ARID3A: variants seen among roughly 807,000 people sequenced by gnomAD.
ARID3A encodes AT-rich interaction domain 3A.
Under a neutral mutation model 52.7 loss-of-function variants are expected in ARID3A, and 11 were observed. That is an observed-to-expected ratio of 0.21 (90% CI 0.13 to 0.35). The LOEUF is 0.35. Ranked by LOEUF, ARID3A falls within the 10% of genes least tolerant of loss-of-function variation. ARID3A has a pLI of 1.00. For synonymous variants in ARID3A, 404 were observed against 359.4 expected (o/e 1.12, Z -1.40); for missense variants, 721 against 838.5 (o/e 0.86, Z 1.73).
intron 3 of ARID3A, among the ~76,000 whole-genome samples, chr19:949,428 T>C (rs1195057693): frequency 1.3e-5 from 2 of 151,830 alleles, no homozygotes; most frequent in Non-Finnish European, 2.9e-5. Context: ...TGTCAGTGGA[T>C]GGGAGCTGCC....
In ARID3A at chr19:960,290, C is replaced by A; in HGVS notation, c.766+126C>A. 1 of 799,404 alleles carries A rather than the reference C, an allele frequency of 1.3e-6. No individual in the cohort carries two copies. The highest frequency in any genetic ancestry group is 1.9e-6 in the Non-Finnish European group (1 of 527,318). 49.5% of individuals were successfully genotyped at this position (799,404 alleles called of 1,614,324 possible). ...CCGTGGCTGGAGGCATCCAAGGCTC[C>A]TAAATCGGGAGGGACTTCAGGGGTG... On this transcript the variant is annotated intron_variant, in intron 4 of 8. Transcript: ENST00000263620. This position sits in a 1 kb window ranked among gnomAD's most constrained non-coding sequence, Gnocchi z 4.3.
chr19:951,899 G>T (rs946830329), intron 3 of ARID3A, among the ~76,000 whole-genome samples: 1 of 152,114 alleles, frequency 6.6e-6, no homozygotes, highest in East Asian at 1.9e-4. Context: ...ACTTCGAGAG[G>T]CAGAGGCGGG....
At chr19:963,355 C>G (rs968611338) in intron 4 of ARID3A, among the ~76,000 whole-genome samples, 2 of 152,208 alleles carry the variant, frequency 1.3e-5, no homozygotes, top group African/African-American at 4.8e-5. Flanking sequence ...GGGGTGGGGG[C>G]CACAGACTGT....
intron 3 of ARID3A, among the ~76,000 whole-genome samples, chr19:940,419 G>C (rs976112385): frequency 2.6e-5 from 4 of 152,036 alleles, no homozygotes; most frequent in Non-Finnish European, 5.9e-5. Context: ...GGAGGGGTGG[G>C]CAGAGCTTGA....
Position 938,706 on chromosome 19 carries a change from G to C in ARID3A, c.693+5964G>C, listed in dbSNP as rs2145375112. On this transcript the variant is annotated intron_variant, in intron 3 of 8. Coordinates refer to ENST00000263620, the MANE Select transcript of ARID3A (RefSeq NM_005224.3). The surrounding 1 kb of genome is among the most constrained non-coding windows in gnomAD (Gnocchi z 4.0). ...GGGCGTGTGTGGGCACTGGGGCAGG[G>C]ACGGCCACCAGCAGCCTCTCAGGCT... 6.6e-6 allele frequency among the ~76,000 whole-genome samples: 1 copy of C among 152,280 alleles called. No homozygotes were observed. Among genetic ancestry groups the C allele is most frequent in the South Asian group, 2.1e-4 (1 of 4,822 alleles).
In ARID3A at chr19:949,740, G is replaced by A. The variant is rs2037766524; in HGVS notation, c.694-10352G>A. On this transcript the variant is annotated intron_variant, in intron 3 of 8. Coordinates refer to ENST00000263620, the MANE Select transcript of ARID3A (RefSeq NM_005224.3). ...CGCCCAGGCTGGAGTGCAGTGGTGC[G>A]ATCTGAGCTCACGCAATCTCTGCCT... Among the ~76,000 whole-genome samples the A allele has an allele frequency of 2.0e-5, 3 of 149,452 alleles. No homozygotes were observed. The South Asian group carries it at 6.3e-4, about 32-fold the overall frequency.
rs2240615 is a variant in ARID3A at position 964,434 on chromosome 19, G to A, written c.950+3G>A. 0.23 allele frequency: 371,713 copies of A among 1,584,950 alleles called. 45,098 individuals carry two copies. The highest frequency in any genetic ancestry group is 0.31 in the Middle Eastern group (1,839 of 5,918). On this transcript the variant is annotated splice_donor_region_variant and intron_variant, in intron 5 of 8. Transcript: ENST00000263620. The surrounding 1 kb of genome is among the most constrained non-coding windows in gnomAD (Gnocchi z 5.7). ...GCAGCCTTCACCCTGCGGACCCAGT[G>A]AGTGGCGGACGGTTGTGCCGAGGTC...
chr19:927,245 C>G (rs1233736941), intron 1 of ARID3A, among the ~76,000 whole-genome samples: 3 of 152,164 alleles, frequency 2.0e-5, no homozygotes, highest in African/African-American at 7.2e-5. Flanking sequence ...GACCACCCAG[C>G]GCCCCGTCCC....
At chr19:969,593 C>A (rs1409899657) in intron 8 of ARID3A, among the ~76,000 whole-genome samples, 2 of 151,022 alleles carry the variant, frequency 1.3e-5, no homozygotes, top group East Asian at 3.9e-4. Context: ...TGTAGCTATA[C>A]ATAGATATAT....
At chr19:932,938 T>G (rs2037364376) in intron 3 of ARID3A, among the ~76,000 whole-genome samples, 196 bp downstream of exon 3, 1 of 151,914 alleles carries the variant, frequency 6.6e-6, no homozygotes, top group Non-Finnish European at 1.5e-5. Context: ...TGCTCTGATG[T>G]GGGATGTGTG....
chr19:939,223 A>G (rs142596085), intron 3 of ARID3A, among the ~76,000 whole-genome samples: 1,927 of 151,886 alleles, frequency 0.013, 38 homozygotes, highest in African/African-American at 0.044. Flanking sequence ...GGTTCAAGCA[A>G]TTCTCCTGCC....
chr19:970,784 G>C (rs1359150423), intron 8 of ARID3A, among the ~76,000 whole-genome samples: 2 of 151,922 alleles, frequency 1.3e-5, no homozygotes, highest in East Asian at 1.9e-4. Flanking sequence ...TAAATGAATA[G>C]TTTTTCTTAA....
Position 942,842 on chromosome 19 carries a change from G to A in ARID3A, c.693+10100G>A, listed in dbSNP as rs995028117. ...GAACCCGCCTTCCGGGAGGAGCCCCGTCTGGATTGGATGGCATCGCCCAAA... is the reference window on the plus strand; with the variant it reads ...GAACCCGCCTTCCGGGAGGAGCCCCATCTGGATTGGATGGCATCGCCCAAA... On this transcript the variant is annotated intron_variant, in intron 3 of 8. Coordinates refer to ENST00000263620, the MANE Select transcript of ARID3A (RefSeq NM_005224.3). This position sits in a 1 kb window ranked among gnomAD's most constrained non-coding sequence, Gnocchi z 8.1. Among the ~76,000 whole-genome samples, 8 of 152,212 alleles carry A rather than the reference G, an allele frequency of 5.3e-5. No individual in the cohort carries two copies. The highest frequency in any genetic ancestry group is 1.2e-4 in the African/African-American group (5 of 41,460).
chr19:946,878 C>T (rs543695669), intron 3 of ARID3A, among the ~76,000 whole-genome samples: 188 of 152,090 alleles, frequency 1.2e-3, no homozygotes, highest in Middle Eastern at 0.01. Flanking sequence ...ACTGCAGCCT[C>T]GAGCTCCTGG....
intron 3 of ARID3A, among the ~76,000 whole-genome samples, chr19:939,903 C>T (rs553746623): frequency 7.8e-4 from 119 of 152,212 alleles, no homozygotes; most frequent in African/African-American, 2.2e-3. Context: ...TTTTCTTCGT[C>T]GTGCCCCGGA....
chr19:953,477 C>A lies in ARID3A; in HGVS notation c.694-6615C>A, dbSNP rs993587700. 6.3e-5 allele frequency among the ~76,000 whole-genome samples: 9 copies of A among 143,422 alleles called. No homozygotes were observed. The South Asian group carries it at 1.1e-3, about 18-fold the overall frequency. 94.1% of individuals were successfully genotyped at this position (143,422 alleles called of 152,430 possible). The stretch of plus-strand genomic sequence containing the variant: ...TCCCACCCCCCCAGGCCTCCCACAC[C>A]CCCCCCCGTGCAGAGCCGGGGGAGT... On this transcript the variant is annotated intron_variant, in intron 3 of 8. Transcript: ENST00000263620.
Position 929,888 on chromosome 19 carries a change from C to T in ARID3A, c.360C>T (p.Asp120=), listed in dbSNP as rs200423554. ...GEEHFEDMAS[D]EDMKPKWEEE... is the part of the protein sequence containing the mutation. Reference sequence around the variant, plus strand: ...AGCACTTTGAGGACATGGCCTCCGACGAGGACATGTGAGTTGGGGTCTGGG... The same window carrying T: ...AGCACTTTGAGGACATGGCCTCCGATGAGGACATGTGAGTTGGGGTCTGGG... The change falls in exon 2 of 9, where the codon GAC becomes GAT. Residue 120 remains aspartate, a synonymous_variant. Coordinates refer to ENST00000263620, the MANE Select transcript of ARID3A (RefSeq NM_005224.3). The surrounding 1 kb of genome is among the most constrained non-coding windows in gnomAD (Gnocchi z 6.2). 3.5e-4 allele frequency: 546 copies of T among 1,541,212 alleles called. 1 individual carries two copies. The highest frequency in any genetic ancestry group is 1.9e-3 in the Admixed American group (95 of 50,994).
rs1260228215 is a variant in ARID3A at position 926,059 on chromosome 19, G to A, written c.-268G>A. On this transcript the variant is annotated splice_region_variant and 5_prime_UTR_variant, in exon 1 of 9. Transcript: ENST00000263620. Reference sequence around the variant, plus strand: ...TAGACGCGGACGCGGCTGGCGGCTCGGTGAGTCGGCGCGCGGCACAGCCCC... The same window carrying A: ...TAGACGCGGACGCGGCTGGCGGCTCAGTGAGTCGGCGCGCGGCACAGCCCC... 1 of 148,958 alleles carries A rather than the reference G, an allele frequency of 6.7e-6. No individual in the cohort carries two copies. The highest frequency in any genetic ancestry group is 1.5e-5 in the Non-Finnish European group (1 of 66,742). The allele number at this position is 148,958 out of a possible 1,614,324, so 9.2% of individuals were successfully genotyped here.
At chr19:940,381 G>A (rs1177525297) in intron 3 of ARID3A, among the ~76,000 whole-genome samples, 1 of 152,044 alleles carries the variant, frequency 6.6e-6, no homozygotes, top group Admixed American at 6.6e-5. Flanking sequence ...GTCCTGGGCC[G>A]CGGGTCAGTC....
Sources: gnomAD v4.1 joint callset for allele counts (sites outside exome capture counted in the v4.1 genomes callset) on GRCh38, gnomAD v4.1.1 for gene constraint, Gnocchi (gnomAD v3.1) non-coding constraint, MANE v1.5 for transcripts, NCBI Gene and HGNC (gene_info 2026-07-23, HGNC 2026-07-21) for gene names.